GPR132: variants seen among roughly 807,000 people sequenced by gnomAD.
GPR132 encodes the protein probable G protein-coupled receptor 132.
In GPR132, 4 loss-of-function variants were observed where a neutral mutation model predicts 1.9. The ratio of observed to expected loss-of-function variants is 2.13; its 90% CI spans 1.05 to 4.87. The LOEUF (loss-of-function observed/expected upper bound fraction) is 4.87. Ranked by LOEUF, GPR132 falls within the 30% of genes most tolerant of loss-of-function variation. The probability of loss-of-function intolerance (pLI) is 0.01; values close to 1 mark genes in which losing one functional copy is unlikely to be tolerated. For missense variants in GPR132, 404 were observed against 512.5 expected (o/e 0.79, Z 2.04); for synonymous variants, 233 against 234.2 (o/e 0.99, Z 0.05).
chr14:105,053,416 TC>T (rs1175545651), intron 3 of GPR132, among the ~76,000 whole-genome samples: 1 of 152,160 alleles, frequency 6.6e-6, no homozygotes, highest in Non-Finnish European at 1.5e-5. Context: ...CTCCTTGGCC[TC>T]CCAAAGTGCT....
In GPR132 at chr14:105,060,919, C is replaced by A. The variant is rs181431489; in HGVS notation, c.-860-3639G>T. 1.5e-3 allele frequency among the ~76,000 whole-genome samples: 224 copies of A among 152,364 alleles called. 2 individuals carry two copies. Among genetic ancestry groups the A allele is most frequent in the African/African-American group, 3.8e-3 (157 of 41,592 alleles). On this transcript the variant is annotated intron_variant, in intron 1 of 3. Coordinates refer to ENST00000329797, the MANE Select transcript of GPR132 (RefSeq NM_013345.4). The surrounding 1 kb of genome is among the most constrained non-coding windows in gnomAD (Gnocchi z 6.3). The stretch of plus-strand genomic sequence containing the variant: ...CCGCAGGCAGAGGCTCACAGCGAGG[C>A]CCCTCTGGGATCCAGGCCTGTATGT...
At chr14:105,062,087 C>T (rs1210677490) in intron 1 of GPR132, among the ~76,000 whole-genome samples, 4 of 152,218 alleles carry the variant, frequency 2.6e-5, no homozygotes, top group South Asian at 2.1e-4. Flanking sequence ...TTCAGGGCAG[C>T]GTGGCCAGAC....
intron 1 of GPR132, among the ~76,000 whole-genome samples, chr14:105,062,128 C>T (rs1184407328): frequency 6.6e-6 from 1 of 152,220 alleles, no homozygotes; most frequent in African/African-American, 2.4e-5. Context: ...CCTCGGATGA[C>T]TCCAGCCACA....
intron 3 of GPR132, chr14:105,054,406 A>G (rs1595136170): frequency 2.0e-6 from 2 of 978,442 alleles, no homozygotes; most frequent in Non-Finnish European, 2.4e-6. Context: ...CTGCGGCCCC[A>G]TTGTGTCGCT....
In GPR132 at chr14:105,057,226, T is replaced by C. The variant is rs1886817760; in HGVS notation, c.-806A>G. 1 of 1,376,582 alleles carries C rather than the reference T, an allele frequency of 7.3e-7. No homozygotes were observed. Among genetic ancestry groups the C allele is most frequent in the Non-Finnish European group, 1.0e-6 (1 of 1,001,860 alleles). 85.3% of individuals were successfully genotyped at this position (1,376,582 alleles called of 1,614,324 possible). A position where few individuals can be genotyped will look rare whatever the true frequency, so the allele number is the denominator to read the frequency against. ...CTCTAAGATAAGCTTTCTAAGTACA[T>C]GTCATGCGTCTTGTCGGTCCTATCA... On this transcript the variant is annotated 5_prime_UTR_variant, in exon 2 of 4. The change abolishes an upstream ATG in the 5' untranslated region. Transcript: ENST00000329797.
chr14:105,054,219 G>A (rs902507636), intron 3 of GPR132: 4 of 1,198,136 alleles, frequency 3.3e-6, no homozygotes, highest in African/African-American at 1.6e-5. Context: ...AGCCCCGGGC[G>A]GGGCAAACTT....
intron 3 of GPR132, among the ~76,000 whole-genome samples, chr14:105,052,467 A>G (rs574916077): frequency 6.6e-6 from 1 of 152,024 alleles, no homozygotes; most frequent in Non-Finnish European, 1.5e-5. Flanking sequence ...AGCCAGGATT[A>G]CAGGCACGTG....
intron 1 of GPR132, among the ~76,000 whole-genome samples, chr14:105,062,722 G>T (rs1886980916): frequency 2.0e-5 from 3 of 151,516 alleles, no homozygotes; most frequent in South Asian, 4.2e-4. Context: ...TGTATTTTTA[G>T]TAGAAACAGG....
In GPR132 at chr14:105,050,414, A is replaced by G. The variant is rs1886601460; in HGVS notation, c.*580T>C. On this transcript the variant is annotated 3_prime_UTR_variant, in exon 4 of 4. Coordinates refer to ENST00000329797, the MANE Select transcript of GPR132 (RefSeq NM_013345.4). The surrounding 1 kb of genome is among the most constrained non-coding windows in gnomAD (Gnocchi z 4.0). ...AGCCAGCAGCTGGCCACCCTGCCCC[A>G]CGGTTCCCTAGAGGCCCTCCAGCTC... 1 of 153,484 alleles carries G rather than the reference A, an allele frequency of 6.5e-6. No homozygotes were observed. Among genetic ancestry groups the G allele is most frequent in the Non-Finnish European group, 1.4e-5 (1 of 69,020 alleles). 9.5% of individuals were successfully genotyped at this position (153,484 alleles called of 1,614,324 possible).
At position 105,050,969 on chromosome 14, in the gene GPR132, G is replaced by A. The variant is rs891905009; in HGVS notation, c.*25C>T. 1.7e-5 allele frequency: 27 copies of A among 1,597,882 alleles called. No individual in the cohort carries two copies. The highest frequency in any genetic ancestry group is 2.3e-5 in the Non-Finnish European group (27 of 1,167,638). ...TTGCTGGCCCCAGGACCCCCAACCT[G>A]CCATCCCCCTGCCACACAGTGGGCT... On this transcript the variant is annotated 3_prime_UTR_variant, in exon 4 of 4. Transcript: ENST00000329797. This position sits in a 1 kb window ranked among gnomAD's most constrained non-coding sequence, Gnocchi z 4.0.
chr14:105,062,415 G>A (rs1000404832), intron 1 of GPR132, among the ~76,000 whole-genome samples: 4 of 152,136 alleles, frequency 2.6e-5, no homozygotes, highest in Admixed American at 6.5e-5. Flanking sequence ...CCCACTCAGC[G>A]TGTCAGCTCC....
chr14:105,054,200 G>A, intron 3 of GPR132: 1 of 1,226,792 alleles, frequency 8.2e-7, no homozygotes, highest in Non-Finnish European at 1.0e-6. Flanking sequence ...AAACTTATTG[G>A]GCCACAGCAG....
chr14:105,061,398 C>T (rs72703887), intron 1 of GPR132, among the ~76,000 whole-genome samples: 13,689 of 152,284 alleles, frequency 0.09, 840 homozygotes, highest in East Asian at 0.26. Context: ...ATCCTTTTGC[C>T]GCACCTGCTA....
At position 105,060,424 on chromosome 14, in the gene GPR132, G is replaced by C. The variant is rs1178859071; in HGVS notation, c.-860-3144C>G. 6.6e-6 allele frequency among the ~76,000 whole-genome samples: 1 copy of C among 152,146 alleles called. No individual in the cohort carries two copies. The highest frequency in any genetic ancestry group is 2.4e-5 in the African/African-American group (1 of 41,432). ...TGTTCCTTCTGAGCCCCGGGGGTGT[G>C]GGGGGCCCGACCAGCCTCACACTGG... On this transcript the variant is annotated intron_variant, in intron 1 of 3. Coordinates refer to ENST00000329797, the MANE Select transcript of GPR132 (RefSeq NM_013345.4). This position sits in a 1 kb window ranked among gnomAD's most constrained non-coding sequence, Gnocchi z 6.3.
At chr14:105,061,951 C>G (rs1391107911) in intron 1 of GPR132, among the ~76,000 whole-genome samples, 1 of 152,206 alleles carries the variant, frequency 6.6e-6, no homozygotes, top group East Asian at 1.9e-4. Flanking sequence ...AGGGGATAGC[C>G]CACCATGCTC....
In GPR132 at chr14:105,051,148, G is replaced by T. The variant is rs761937469; in HGVS notation, c.989C>A (p.Ser330Tyr). Residue 330 changes from serine to tyrosine, a missense_variant, in exon 4 of 4, where the codon TCC (serine) becomes TAC (tyrosine). By Grantham distance (144) the Ser-to-Tyr change is moderately radical. Coordinates refer to ENST00000329797, the MANE Select transcript of GPR132 (RefSeq NM_013345.4). This position sits in a 1 kb window ranked among gnomAD's most constrained non-coding sequence, Gnocchi z 8.0. ...SRIHKGWKEW[S>Y]MKTDVTRLTH... ...GAGCCTGGTGACGTCTGTCTTCATG[G>T]ACCACTCTTTCCACCCCTTATGGAT... 5 of 1,614,040 alleles carry T rather than the reference G, an allele frequency of 3.1e-6. No individual in the cohort carries two copies. The highest frequency in any genetic ancestry group is 4.5e-5 in the East Asian group (2 of 44,900).
chr14:105,058,805 C>T (rs193161772), intron 1 of GPR132, among the ~76,000 whole-genome samples: 8 of 152,358 alleles, frequency 5.3e-5, no homozygotes, highest in Admixed American at 3.3e-4. Context: ...CCCTCTGCTT[C>T]CTTCCCTAAC....
rs944634199 is a variant in GPR132, at chr14:105,050,590, C to T, written c.*404G>A. ...AGGAGCCCAGAGGGCCCACAATGCA[C>T]CACCGCATCCAGGCAACGCTTGCAG... On this transcript the variant is annotated 3_prime_UTR_variant, in exon 4 of 4. Coordinates refer to ENST00000329797, the MANE Select transcript of GPR132 (RefSeq NM_013345.4). The surrounding 1 kb of genome is among the most constrained non-coding windows in gnomAD (Gnocchi z 4.0). 2 of 222,308 alleles carry T rather than the reference C, an allele frequency of 9.0e-6. No homozygotes were observed. Among genetic ancestry groups the T allele is most frequent in the African/African-American group, 4.6e-5 (2 of 43,822 alleles). The allele number at this position is 222,308 out of a possible 1,614,324, so 13.8% of individuals were successfully genotyped here.
chr14:105,055,841 C>T lies in GPR132; in HGVS notation c.-421G>A, dbSNP rs1164626102. ...GTGGCGTGTGGCGTGTGGCGTGTGG[C>T]GTGTTCTGCTCAGCCACGACTCCGC... is the stretch of plus-strand genomic sequence containing the variant. On this transcript the variant is annotated 5_prime_UTR_variant, in exon 3 of 4. Transcript: ENST00000329797. The surrounding 1 kb of genome is among the most constrained non-coding windows in gnomAD (Gnocchi z 4.7). 39 of 181,026 alleles carry T rather than the reference C, an allele frequency of 2.2e-4. No individual in the cohort carries two copies. The highest frequency in any genetic ancestry group is 5.8e-5 in the Non-Finnish European group (5 of 86,920). 11.2% of individuals were successfully genotyped at this position (181,026 alleles called of 1,614,324 possible).
Sources: allele counts gnomAD v4.1 joint callset (sites outside exome capture counted in the v4.1 genomes callset), GRCh38; gene constraint gnomAD v4.1.1; non-coding constraint Gnocchi (gnomAD v3.1); transcripts MANE v1.5; gene names NCBI Gene and HGNC (gene_info 2026-07-23, HGNC 2026-07-21).